VPS13C: variants seen among roughly 807,000 people sequenced by gnomAD.
VPS13C encodes the protein intermembrane lipid transfer protein VPS13C.
A neutral mutation model predicts 456.8 loss-of-function variants in VPS13C; 358 were observed. The ratio of observed to expected loss-of-function variants is 0.78; its 90% CI spans 0.72 to 0.86. VPS13C has a LOEUF of 0.86. Among genes scored for constraint, VPS13C ranks in the 40% least tolerant of loss-of-function variants. The pLI is 0.00. For missense variants in VPS13C, 4,818 were observed against 4,385.4 expected, an observed-to-expected ratio of 1.10 and a Z score of -2.79; for synonymous variants, 1,578 against 1,486.7, an observed-to-expected ratio of 1.06 and a Z score of -1.41.
chr15:61,936,515 T>C (rs993321836), intron 48 of VPS13C, 82 bp downstream of exon 48: 3 of 1,374,538 alleles, frequency 2.2e-6, no homozygotes, highest in South Asian at 1.7e-5. Context: ...CACATTGTGC[T>C]GGACAGCTAG....
chr15:61,928,695 C>T (rs2043951287), intron 51 of VPS13C, among the ~76,000 whole-genome samples: 1 of 151,930 alleles, frequency 6.6e-6, no homozygotes, highest in African/African-American at 2.4e-5. Flanking sequence ...GCCTGGGAAA[C>T]ATGGCGAAGC....
intron 20 of VPS13C, among the ~76,000 whole-genome samples, chr15:61,983,365 T>C (rs1180272783): frequency 3.3e-5 from 5 of 152,248 alleles, no homozygotes; most frequent in Admixed American, 1.3e-4. Context: ...ATACAGAACC[T>C]GAGCCAGAAC....
At chr15:61,921,400 T>C (rs2043650258) in intron 55 of VPS13C, among the ~76,000 whole-genome samples, 1 of 152,072 alleles carries the variant, frequency 6.6e-6, no homozygotes, top group African/African-American at 2.4e-5. Context: ...GTTTCTGAGG[T>C]GTTCTCAAAA....
At chr15:62,054,274 C>T (rs1051304805) in intron 1 of VPS13C, among the ~76,000 whole-genome samples, 5 of 152,116 alleles carry the variant, frequency 3.3e-5, no homozygotes, top group Admixed American at 1.3e-4. Context: ...GCAGTATGTA[C>T]CCACCAGGCA....
rs1453176002 is a variant in VPS13C, at chr15:61,952,049, A to C, written c.4300-69T>G. 2.6e-6 allele frequency: 4 copies of C among 1,529,752 alleles called. No homozygotes were observed. The Admixed American group carries it at 7.4e-5, about 28-fold the overall frequency. The allele number at this position is 1,529,752 out of a possible 1,614,324, so 94.8% of individuals were successfully genotyped here. The stretch of plus-strand genomic sequence containing the variant: ...TGCAATGAAGGTAAGTCAAGAATTT[A>C]ATAAGTATCCAGAGTGATATAAGGA... On this transcript the variant is annotated intron_variant, in intron 38 of 84. Transcript: ENST00000644861.
At chr15:62,038,973 G>A (rs1444819240) in intron 3 of VPS13C, among the ~76,000 whole-genome samples, 1 of 152,178 alleles carries the variant, frequency 6.6e-6, no homozygotes, top group Non-Finnish European at 1.5e-5. Context: ...TGGATACAGA[G>A]GAGAGGGACT....
chr15:61,910,201 G>A lies in VPS13C; in HGVS notation c.8820C>T (p.Gly2940=). Residue 2940 remains glycine (G), a synonymous_variant, in exon 64 of 85, where the codon GGC becomes GGT. Transcript: ENST00000644861. ...KPFFYNRQDN[G]TLLSLEDLNG... is the part of the protein sequence containing the mutation. Reference sequence around the variant, plus strand: ...CCAGATCTTCTAAGCTCAATAAAGTGCCATTATCCTGTCGGTTATAAAAGA... The same window carrying A: ...CCAGATCTTCTAAGCTCAATAAAGTACCATTATCCTGTCGGTTATAAAAGA... 6.9e-7 allele frequency: 1 copy of A among 1,441,744 alleles called. No individual in the cohort carries two copies. Among genetic ancestry groups the A allele is most frequent in the Non-Finnish European group, 9.2e-7 (1 of 1,087,644 alleles). The allele number at this position is 1,441,744 out of a possible 1,614,324, so 89.3% of individuals were successfully genotyped here. A position where few individuals can be genotyped will look rare whatever the true frequency, so the allele number is the denominator to read the frequency against.
At chr15:62,000,159 C>T (rs184485427) in intron 16 of VPS13C, among the ~76,000 whole-genome samples, 3 of 152,198 alleles carry the variant, frequency 2.0e-5, no homozygotes, top group East Asian at 3.9e-4. Context: ...GTCAGGAATT[C>T]AAGACCAGGC....
intron 83 of VPS13C, 151 bp downstream of exon 83, chr15:61,856,135 G>A (rs1291974083): frequency 1.1e-6 from 1 of 944,290 alleles, no homozygotes; most frequent in Non-Finnish European, 1.5e-6. Flanking sequence ...AATAAGTACA[G>A]TTATTCAAAT....
intron 77 of VPS13C, among the ~76,000 whole-genome samples, chr15:61,874,348 CAAAGAAATGATAAATG>C (rs1895255998): frequency 6.6e-6 from 1 of 151,914 alleles, no homozygotes; most frequent in South Asian, 2.1e-4. Context: ...GTTCCCAACA[CAAAGAAATGATAAATG>C]TTCGAGGTGA....
At chr15:61,935,890 C>G (rs2042609) in intron 48 of VPS13C, among the ~76,000 whole-genome samples, 4,784 of 152,210 alleles carry the variant, frequency 0.031, 150 homozygotes, top group African/African-American at 0.075. Flanking sequence ...TAGAAAAGCA[C>G]AGCAGCCAGG....
At chr15:62,057,838 G>A (rs2048850289) in intron 1 of VPS13C, among the ~76,000 whole-genome samples, 1 of 152,172 alleles carries the variant, frequency 6.6e-6, no homozygotes, top group Non-Finnish European at 1.5e-5. Context: ...ACTCCTCAAT[G>A]TCATGGTAAA....
chr15:61,996,283 C>G (rs1289258133), intron 16 of VPS13C, among the ~76,000 whole-genome samples: 1 of 152,046 alleles, frequency 6.6e-6, no homozygotes, highest in Non-Finnish European at 1.5e-5. Flanking sequence ...ACTTACATAC[C>G]AAAGGTTTAA....
intron 46 of VPS13C, 107 bp downstream of exon 46, chr15:61,941,656 A>C: frequency 8.3e-7 from 1 of 1,209,794 alleles, no homozygotes; most frequent in Non-Finnish European, 1.1e-6. Flanking sequence ...AATTAGAAGA[A>C]ATAAGGAATG....
In VPS13C at chr15:62,000,623, A is replaced by C. The variant is rs1409418919; in HGVS notation, c.1294T>G (p.Leu432Val). 6.3e-7 allele frequency: 1 copy of C among 1,599,568 alleles called. No homozygotes were observed. Among genetic ancestry groups the C allele is most frequent in the South Asian group, 1.2e-5 (1 of 86,152 alleles). ...TTAAAAACATCTAGAGTCTTCTCCA[A>C]GTCCTGTAAAAAACAGAGGCACTTA... ...SEEIQKEIQD[L>V]EKTLDVFNII... The change falls in exon 16 of 85, where the codon TTG becomes GTG. Residue 432 changes from leucine to valine, a missense_variant. By Grantham distance (32) the Leu-to-Val change is conservative. Transcript: ENST00000644861.
chr15:62,027,941 T>A (rs1276656094), intron 6 of VPS13C, among the ~76,000 whole-genome samples: 1 of 152,050 alleles, frequency 6.6e-6, no homozygotes, highest in Non-Finnish European at 1.5e-5. Context: ...CGGTTCTGAA[T>A]TCAAAGAAAA....
chr15:61,961,882 A>G lies in VPS13C; in HGVS notation c.3615T>C (p.Asn1205=). The G allele has an allele frequency of 6.2e-7, 1 of 1,611,088 alleles. No homozygotes were observed. The highest frequency in any genetic ancestry group is 8.5e-7 in the Non-Finnish European group (1 of 1,178,638). The change falls in exon 35 of 85, where the codon AAT becomes AAC. Residue 1205 remains asparagine, a synonymous_variant. Coordinates refer to ENST00000644861, the MANE Select transcript of VPS13C (RefSeq NM_020821.3). ...KFLMSLLNFL[N]NFQTAKESLS... ...GAGACTCTTTGGCTGTCTGGAAATT[A>G]TTCAGGAAGTTCTGTGGACACAAAG...
At chr15:61,866,516 T>C (rs1894603661) in intron 81 of VPS13C, 1 of 984,964 alleles carries the variant, frequency 1.0e-6, no homozygotes, top group South Asian at 4.7e-5. Context: ...TAAAAATTGT[T>C]ACTTTAGAAT....
Position 61,884,202 on chromosome 15 carries a change from A to C in VPS13C, c.9409T>G (p.Leu3137Val). The change falls in exon 68 of 85, where the codon TTA (leucine) becomes GTA (valine). Residue 3137 changes from leucine to valine, a missense_variant. This residue lies in a region of VPS13C where 4,552 missense variants were observed against 4,130.6 expected (regional missense o/e 1.10). Coordinates refer to ENST00000644861, the MANE Select transcript of VPS13C (RefSeq NM_020821.3). The part of the protein sequence containing the change: ...WKPFSQKQII[L>V]LEQSYQKHQI... The stretch of plus-strand genomic sequence containing the variant: ...TGTTTCTGATAGGATTGTTCCAATA[A>C]GATTATCTGCTTTTGACTAAATGGC... 2.5e-6 allele frequency: 4 copies of C among 1,611,010 alleles called. No individual in the cohort carries two copies. Among genetic ancestry groups the C allele is most frequent in the Non-Finnish European group, 3.4e-6 (4 of 1,178,826 alleles).
Sources: gnomAD v4.1 joint callset for allele counts (sites outside exome capture counted in the v4.1 genomes callset) on GRCh38, gnomAD v4.1.1 for gene constraint, gnomAD v4.1.1 regional missense constraint, MANE v1.5 for transcripts, NCBI Gene and HGNC (gene_info 2026-07-23, HGNC 2026-07-21) for gene names.